Variants in RBM19 observed in about 807,000 individuals in gnomAD.
The protein encoded by RBM19 is probable RNA-binding protein 19.
RBM19 carries 94 observed loss-of-function variants against 116.8 expected under a neutral mutation model. The ratio of observed to expected loss-of-function variants is 0.80; its 90% CI spans 0.68 to 0.95. The LOEUF (loss-of-function observed/expected upper bound fraction) is 0.95, where lower values mean the gene tolerates loss of function less well. Among genes scored for constraint, RBM19 ranks in the 40% least tolerant of loss-of-function variants. The pLI is 0.00. For synonymous variants in RBM19, 475 were observed against 494.1 expected, an observed-to-expected ratio of 0.96 and a Z score of 0.51; for missense variants, 1,161 against 1,220.7, an observed-to-expected ratio of 0.95 and a Z score of 0.73.
chr12:113,836,011 CCCT>C (rs1377297223), intron 23 of RBM19, among the ~76,000 whole-genome samples: 1 of 152,224 alleles, frequency 6.6e-6, no homozygotes, highest in East Asian at 1.9e-4. Context: ...CCTGCCGCGG[CCCT>C]GAAAGCTTCT....
chr12:113,835,199 C>T (rs1229719360), intron 23 of RBM19, among the ~76,000 whole-genome samples: 3 of 152,142 alleles, frequency 2.0e-5, no homozygotes, highest in Admixed American at 6.5e-5. Context: ...AGTTAACGCT[C>T]ACACAGTGTC....
chr12:113,886,368 A>C, intron 21 of RBM19, among the ~76,000 whole-genome samples: 1 of 152,022 alleles, frequency 6.6e-6, no homozygotes, highest in Non-Finnish European at 1.5e-5. Flanking sequence ...CTTGGGCTCA[A>C]GTGATGCACC....
intron 4 of RBM19, 55 bp from the exon 5 acceptor site, chr12:113,959,459 G>C (rs1196403243): frequency 2.6e-6 from 4 of 1,549,952 alleles, no homozygotes; most frequent in Non-Finnish European, 3.5e-6. Flanking sequence ...AGAGGAAGAG[G>C]CAGAGAAGGC....
At position 113,942,454 on chromosome 12, in the gene RBM19, G is replaced by T; in HGVS notation, c.1627-20C>A. 1 of 1,589,724 alleles carries T rather than the reference G, an allele frequency of 6.3e-7. No homozygotes were observed. Among genetic ancestry groups the T allele is most frequent in the South Asian group, 1.1e-5 (1 of 88,682 alleles). ...GGTCTCCTGTGGAAGAGGAAAGGAA[G>T]AGTTCTGGTTGGCTGTCGGCCAGGT... On this transcript the variant is annotated intron_variant, in intron 13 of 23. Coordinates refer to ENST00000261741, the MANE Select transcript of RBM19 (RefSeq NM_016196.4).
chr12:113,962,367 C>A lies in RBM19; in HGVS notation c.84G>T (p.Leu28=). Reference sequence around the variant, plus strand: ...TGGTGAACTTCAGGCTGCAGTCTGTCAGCGTGCCGAAGGCGGCAAACAGCT... The same window carrying A: ...TGGTGAACTTCAGGCTGCAGTCTGTAAGCGTGCCGAAGGCGGCAAACAGCT... ...FRQLFAAFGT[L]TDCSLKFTKD... is the part of the protein sequence containing the mutation. The change falls in exon 2 of 24, where the codon CTG becomes CTT. Residue 28 remains leucine, a synonymous_variant. Coordinates refer to ENST00000261741, the MANE Select transcript of RBM19 (RefSeq NM_016196.4). The A allele has an allele frequency of 2.5e-6, 4 of 1,614,240 alleles. No individual in the cohort carries two copies. Among genetic ancestry groups the A allele is most frequent in the Non-Finnish European group, 3.4e-6 (4 of 1,180,028 alleles).
At position 113,823,064 on chromosome 12, in the gene RBM19, C is replaced by T; in HGVS notation, c.*160G>A. On this transcript the variant is annotated 3_prime_UTR_variant, in exon 24 of 24. Coordinates refer to ENST00000261741, the MANE Select transcript of RBM19 (RefSeq NM_016196.4). The stretch of plus-strand genomic sequence containing the variant: ...GGGCCGCTGGGCAGTGGCCTGAGGC[C>T]TTCCTCATCCCCTGTCTCCTCCGAC... 1 of 657,774 alleles carries T rather than the reference C, an allele frequency of 1.5e-6. No homozygotes were observed. Among genetic ancestry groups the T allele is most frequent in the Non-Finnish European group, 2.6e-6 (1 of 390,598 alleles). 40.7% of individuals were successfully genotyped at this position (657,774 alleles called of 1,614,324 possible).
At chr12:113,870,339 C>T (rs1287655797) in intron 21 of RBM19, among the ~76,000 whole-genome samples, 1 of 152,160 alleles carries the variant, frequency 6.6e-6, no homozygotes, top group East Asian at 1.9e-4. Flanking sequence ...CTTCGCCTGC[C>T]ACGTCTCCTA....
At chr12:113,860,101 C>G (rs759372751) in intron 21 of RBM19, among the ~76,000 whole-genome samples, 2 of 152,240 alleles carry the variant, frequency 1.3e-5, no homozygotes, top group Non-Finnish European at 2.9e-5. Context: ...CTGCTCCCCC[C>G]TCCTGGTGCC....
Position 113,825,690 on chromosome 12 carries a change from G to A in RBM19, c.2786-2369C>T, listed in dbSNP as rs537290841. 3.3e-5 allele frequency among the ~76,000 whole-genome samples: 5 copies of A among 152,240 alleles called. No homozygotes were observed. The East Asian group carries it at 9.7e-4, about 30-fold the overall frequency. On this transcript the variant is annotated intron_variant, in intron 23 of 23. Coordinates refer to ENST00000261741, the MANE Select transcript of RBM19 (RefSeq NM_016196.4). This position sits in a 1 kb window ranked among gnomAD's most constrained non-coding sequence, Gnocchi z 5.7. Reference sequence around the variant, plus strand: ...CTTCTCTCCCACATCCTGACAACTTGGAGGGACTGGCGAGGGGCGAGTTCT... The same window carrying A: ...CTTCTCTCCCACATCCTGACAACTTAGAGGGACTGGCGAGGGGCGAGTTCT...
chr12:113,918,215 G>C (rs1433526761), intron 20 of RBM19, among the ~76,000 whole-genome samples, 177 bp downstream of exon 20: 1 of 152,126 alleles, frequency 6.6e-6, no homozygotes, highest in Non-Finnish European at 1.5e-5. Context: ...GGGAAAATCA[G>C]GGTCGGACTT....
intron 10 of RBM19, 42 bp downstream of exon 10, chr12:113,948,791 A>G: frequency 6.2e-7 from 1 of 1,601,922 alleles, no homozygotes; most frequent in Non-Finnish European, 8.5e-7. Flanking sequence ...CCCGGCTCCC[A>G]TAGCCGCTGG....
rs966127244 is a variant in RBM19 at position 113,870,212 on chromosome 12, G to A, written c.2559-11316C>T. On this transcript the variant is annotated intron_variant, in intron 21 of 23. Coordinates refer to ENST00000261741, the MANE Select transcript of RBM19 (RefSeq NM_016196.4). ...AAGCAGGAAGACACACTGTGTCGCCGGCTCACACCCACTCCTGCTGCCTGC... is the reference window on the plus strand; with the variant it reads ...AAGCAGGAAGACACACTGTGTCGCCAGCTCACACCCACTCCTGCTGCCTGC... Among the ~76,000 whole-genome samples, 6 of 152,114 alleles carry A rather than the reference G, an allele frequency of 3.9e-5. No individual in the cohort carries two copies. In the East Asian group the frequency reaches 5.8e-4, roughly 15 times the overall value.
intron 21 of RBM19, among the ~76,000 whole-genome samples, chr12:113,859,119 G>A (rs1036896094): frequency 1.3e-5 from 2 of 152,234 alleles, no homozygotes; most frequent in Admixed American, 1.3e-4. Flanking sequence ...GGCTGGAGAT[G>A]TGAATGGAGA....
rs1344149900 is a variant in RBM19 at position 113,825,172 on chromosome 12, G to A, written c.2786-1851C>T. ...GTGCTTGTGAAATATCCCAGAAAGGGGAATGAGCGGACGGAGCAAGGGTGA... is the reference window on the plus strand; with the variant it reads ...GTGCTTGTGAAATATCCCAGAAAGGAGAATGAGCGGACGGAGCAAGGGTGA... On this transcript the variant is annotated intron_variant, in intron 23 of 23. Coordinates refer to ENST00000261741, the MANE Select transcript of RBM19 (RefSeq NM_016196.4). This position sits in a 1 kb window ranked among gnomAD's most constrained non-coding sequence, Gnocchi z 5.7. 1.3e-5 allele frequency among the ~76,000 whole-genome samples: 2 copies of A among 152,248 alleles called. No individual in the cohort carries two copies.
chr12:113,941,429 G>A (rs1870556994), intron 14 of RBM19, among the ~76,000 whole-genome samples: 5 of 152,248 alleles, frequency 3.3e-5, no homozygotes, highest in Admixed American at 3.3e-4. Context: ...GCACAGTAGA[G>A]CTGCTTTCAC....
rs924693191 is a variant in RBM19 at position 113,921,812 on chromosome 12, G to C, written c.2306-1122C>G. Among the ~76,000 whole-genome samples, 3 of 152,206 alleles carry C rather than the reference G, an allele frequency of 2.0e-5. No individual in the cohort carries two copies. In the South Asian group the frequency reaches 6.2e-4, roughly 32 times the overall value. On this transcript the variant is annotated intron_variant, in intron 18 of 23. Transcript: ENST00000261741. The stretch of plus-strand genomic sequence containing the variant: ...TAAAAGTGCAGTGACTGTGTGAAAG[G>C]CAACTGTGAGAAGGTCAAGTTCAAC...
At position 113,841,676 on chromosome 12, in the gene RBM19, C is replaced by T. The variant is rs577725397; in HGVS notation, c.2785+2992G>A. ...CTGACCTCAAGTGATCCACCCACCT[C>T]GGCCTCACAAAGTGCTGGGATTACA... On this transcript the variant is annotated intron_variant, in intron 23 of 23. Coordinates refer to ENST00000261741, the MANE Select transcript of RBM19 (RefSeq NM_016196.4). Among the ~76,000 whole-genome samples, 362 of 152,270 alleles carry T rather than the reference C, an allele frequency of 2.4e-3. 3 individuals are homozygous for T. The highest frequency in any genetic ancestry group is 8.3e-3 in the African/African-American group (344 of 41,548).
chr12:113,854,336 C>G (rs1247592616), intron 22 of RBM19, among the ~76,000 whole-genome samples: 1 of 152,080 alleles, frequency 6.6e-6, no homozygotes, highest in Admixed American at 6.5e-5. Flanking sequence ...CGTGTGGTCC[C>G]CTGGTTGCAT....
intron 16 of RBM19, chr12:113,932,459 A>T (rs1869689966): frequency 6.6e-6 from 1 of 152,204 alleles, no homozygotes; most frequent in Non-Finnish European, 1.5e-5. Flanking sequence ...CAGTGTGGGG[A>T]GCCCTCGGCC....
Sources: allele counts gnomAD v4.1 joint callset (sites outside exome capture counted in the v4.1 genomes callset), GRCh38; gene constraint gnomAD v4.1.1; non-coding constraint Gnocchi (gnomAD v3.1); transcripts MANE v1.5; gene names NCBI Gene and HGNC (gene_info 2026-07-23, HGNC 2026-07-21).